AFF1: variants seen among roughly 807,000 people sequenced by gnomAD.
The protein encoded by AFF1 is ALF transcription elongation factor 1.
AFF1 carries 48 observed loss-of-function variants against 121.7 expected under a neutral mutation model. The observed-to-expected ratio is 0.39, with a 90% CI of 0.31 to 0.50. The LOEUF is 0.50. Ranked by LOEUF, AFF1 falls within the 20% of genes least tolerant of loss-of-function variation. AFF1 has a pLI of 0.76. For missense variants in AFF1, 1,523 were observed against 1,511.7 expected, an observed-to-expected ratio of 1.01 and a Z score of -0.12; for synonymous variants, 613 against 563.0, an observed-to-expected ratio of 1.09 and a Z score of -1.26.
Position 87,047,548 on chromosome 4 carries a change from C to T in AFF1, c.1013C>T (p.Ala338Val), listed in dbSNP as rs759158240. ...TFEKTDLKVP[A>V]KAKLTKLKMP... ...GAAAAAACAGACTTGAAAGTGCCTG[C>T]CAAAGCCAAGCTCACCAAACTGAAG... Residue 338 changes from alanine to valine, a missense_variant, in exon 4 of 21, where the codon GCC becomes GTC. Transcript: ENST00000395146. The T allele has an allele frequency of 1.2e-6, 2 of 1,614,192 alleles. No individual in the cohort carries two copies. Among genetic ancestry groups the T allele is most frequent in the Non-Finnish European group, 1.7e-6 (2 of 1,180,034 alleles).
Position 87,045,003 on chromosome 4 carries a change from G to A in AFF1, c.39-1163G>A, listed in dbSNP as rs1451084773. Among the ~76,000 whole-genome samples the A allele has an allele frequency of 3.9e-5, 6 of 152,152 alleles. No homozygotes were observed. The South Asian group carries it at 8.3e-4, about 21-fold the overall frequency. On this transcript the variant is annotated intron_variant, in intron 2 of 20. Coordinates refer to ENST00000395146, the MANE Select transcript of AFF1 (RefSeq NM_001166693.3). The stretch of plus-strand genomic sequence containing the variant: ...AATATGGATTGTGACATGAGAACCA[G>A]GGCCTTAAATCAGGTTTCTTTTCAT...
intron 2 of AFF1, among the ~76,000 whole-genome samples, chr4:86,982,388 C>CTTTTTTTT (rs70953632): frequency 1.7e-5 from 1 of 58,592 alleles, no homozygotes; most frequent in African/African-American, 5.9e-5. Flanking sequence ...AAAAAATTGG[C>CTTTTTTTT]TTTTTTTTTT....
At chr4:87,115,905 C>G (rs550492904) in intron 12 of AFF1, among the ~76,000 whole-genome samples, 1 of 152,256 alleles carries the variant, frequency 6.6e-6, no homozygotes, top group Admixed American at 6.5e-5. Flanking sequence ...GCCTAAGACA[C>G]GATGCCCAGC....
Position 87,028,293 on chromosome 4 carries a change from A to AT in AFF1, c.39-17864dup, listed in dbSNP as rs543269916. 8.9e-3 allele frequency among the ~76,000 whole-genome samples: 1,334 copies of AT among 150,452 alleles called. 8 individuals carry two copies. Among genetic ancestry groups the AT allele is most frequent in the African/African-American group, 8.1e-3 (331 of 40,938 alleles). ...AGCTTGTATATCATTAAAGTTCAGT[A>AT]TTTTTTTTTACGTTTTTTTTTCTTT... On this transcript the variant is annotated intron_variant, in intron 2 of 20. Coordinates refer to ENST00000395146, the MANE Select transcript of AFF1 (RefSeq NM_001166693.3).
chr4:87,132,183 G>C lies in AFF1; in HGVS notation c.3174-88G>C, dbSNP rs115847353. On this transcript the variant is annotated intron_variant, in intron 18 of 20. Coordinates refer to ENST00000395146, the MANE Select transcript of AFF1 (RefSeq NM_001166693.3). ...AACTCACACAGGTGAGGCAAACCCG[G>C]TGTGTTCATTAGGCTATAAAAGGTT... is the stretch of plus-strand genomic sequence containing the variant. 6 of 1,489,656 alleles carry C rather than the reference G, an allele frequency of 4.0e-6. No homozygotes were observed. In the African/African-American group the frequency reaches 8.4e-5, roughly 21 times the overall value. 92.3% of individuals were successfully genotyped at this position (1,489,656 alleles called of 1,614,324 possible).
chr4:87,042,973 A>G (rs1465564339), intron 2 of AFF1, among the ~76,000 whole-genome samples: 1 of 152,206 alleles, frequency 6.6e-6, no homozygotes, highest in Non-Finnish European at 1.5e-5. Flanking sequence ...TAGTAATGTA[A>G]CTTCGTTAAA....
At chr4:87,055,640 T>A (rs1418714503) in intron 4 of AFF1, among the ~76,000 whole-genome samples, 1 of 152,200 alleles carries the variant, frequency 6.6e-6, no homozygotes, top group Non-Finnish European at 1.5e-5. Flanking sequence ...TTCTCTAGAT[T>A]AACTGTGTTT....
intron 2 of AFF1, among the ~76,000 whole-genome samples, chr4:86,955,047 A>G (rs1159570348): frequency 4.0e-5 from 6 of 151,784 alleles, no homozygotes; most frequent in African/African-American, 9.7e-5. Context: ...TTTTTGTTCC[A>G]CCTTGTGACT....
intron 1 of AFF1, among the ~76,000 whole-genome samples, chr4:86,948,065 T>G (rs115383346): frequency 0.036 from 5,416 of 152,108 alleles, 152 homozygotes; most frequent in Non-Finnish European, 0.057. Flanking sequence ...TTGTTTTTTT[T>G]TGTGTGTGTT....
chr4:87,007,816 T>C (rs1726320141), intron 2 of AFF1, among the ~76,000 whole-genome samples: 1 of 152,142 alleles, frequency 6.6e-6, no homozygotes, highest in African/African-American at 2.4e-5. Context: ...AGTTTAGAAA[T>C]ACGATTAATG....
chr4:87,123,568 A>T (rs975624904), intron 12 of AFF1, among the ~76,000 whole-genome samples: 1 of 152,240 alleles, frequency 6.6e-6, no homozygotes, highest in Non-Finnish European at 1.5e-5. Flanking sequence ...CCGTTTTGAA[A>T]CAAGACACTG....
In AFF1 at chr4:87,134,595, A is replaced by G; in HGVS notation, c.3436A>G (p.Ile1146Val). The G allele has an allele frequency of 6.2e-7, 1 of 1,614,188 alleles. No individual in the cohort carries two copies. Among genetic ancestry groups the G allele is most frequent in the South Asian group, 1.1e-5 (1 of 91,086 alleles). The stretch of plus-strand genomic sequence containing the variant: ...TGCCACTATCAGCACCCCAGTCACC[A>G]TCCAGAATATGACATCTTCCTATGT... ...VAATISTPVT[I>V]QNMTSSYVTI... Residue 1146 changes from isoleucine (I) to valine (V), a missense_variant, in exon 20 of 21, where the codon ATC (isoleucine) becomes GTC (valine). Around this residue, in one of 5 missense-constraint regions of AFF1, gnomAD observed 241 missense variants for 265.2 expected, o/e 0.91. Coordinates refer to ENST00000395146, the MANE Select transcript of AFF1 (RefSeq NM_001166693.3).
At chr4:87,103,010 A>G (rs189606683) in intron 8 of AFF1, among the ~76,000 whole-genome samples, 39 of 152,342 alleles carry the variant, frequency 2.6e-4, no homozygotes, top group African/African-American at 8.4e-4. Flanking sequence ...TTAGGCCTAA[A>G]AATCCTTCAC....
chr4:87,115,153 C>T lies in AFF1; in HGVS notation c.2320C>T (p.Leu774=). ...PPQSLMVKIT[L]DLLSRIPQPP... is the part of the protein sequence containing the mutation. ...ACAAAGCTTGATGGTGAAGATCACC[C>T]TAGACCTGCTCTCTCGGATACCCCA... The change falls in exon 12 of 21, where the codon CTA becomes TTA. Residue 774 remains leucine, a synonymous_variant. Transcript: ENST00000395146. The T allele has an allele frequency of 1.9e-6, 3 of 1,614,164 alleles. No individual in the cohort carries two copies. The highest frequency in any genetic ancestry group is 2.5e-6 in the Non-Finnish European group (3 of 1,180,014).
intron 4 of AFF1, among the ~76,000 whole-genome samples, chr4:87,060,860 A>AAACAC (rs1720703117): frequency 2.0e-5 from 1 of 49,328 alleles, no homozygotes; most frequent in Non-Finnish European, 3.8e-5. Context: ...AAAAAAAAAA[A>AAACAC]AAAAAAACAC....
intron 2 of AFF1, among the ~76,000 whole-genome samples, chr4:87,042,042 T>C (rs867893872): frequency 1.3e-5 from 2 of 151,696 alleles, no homozygotes; most frequent in Middle Eastern, 3.5e-3. Flanking sequence ...GCTACAGAGT[T>C]TGTGAATCAT....
intron 4 of AFF1, among the ~76,000 whole-genome samples, chr4:87,050,783 C>T (rs959350947): frequency 2.0e-5 from 3 of 152,246 alleles, no homozygotes; most frequent in South Asian, 2.1e-4. Flanking sequence ...CAGAACTCCG[C>T]GATCTCACGT....
intron 11 of AFF1, among the ~76,000 whole-genome samples, chr4:87,108,755 G>A (rs1726181125): frequency 6.6e-6 from 1 of 152,208 alleles, no homozygotes; most frequent in African/African-American, 2.4e-5. Context: ...GGGCAGGAAT[G>A]TGAACTAGAA....
intron 2 of AFF1, among the ~76,000 whole-genome samples, chr4:86,975,177 T>A (rs988309680): frequency 6.6e-6 from 1 of 152,224 alleles, no homozygotes; most frequent in African/African-American, 2.4e-5. Context: ...TCTGTGTTTC[T>A]GACCATATTG....
Sources: allele counts gnomAD v4.1 joint callset (sites outside exome capture counted in the v4.1 genomes callset), GRCh38; gene constraint gnomAD v4.1.1; regional missense constraint gnomAD v4.1.1; transcripts MANE v1.5; gene names NCBI Gene and HGNC (gene_info 2026-07-23, HGNC 2026-07-21).